The following ALDH3A2 variants were observed in gnomAD, a reference collection of about 807,000 sequenced individuals.
ALDH3A2 encodes aldehyde dehydrogenase family 3 member A2.
A neutral mutation model predicts 51.3 loss-of-function variants in ALDH3A2; 36 were observed. The ratio of observed to expected loss-of-function variants is 0.70; its 90% CI spans 0.54 to 0.93. ALDH3A2 has a LOEUF of 0.93. Among genes scored for constraint, ALDH3A2 ranks in the 40% least tolerant of loss-of-function variants. The pLI is 0.00. For synonymous variants in ALDH3A2, 199 were observed against 219.8 expected, an observed-to-expected ratio of 0.91 and a Z score of 0.84; for missense variants, 552 against 603.1, an observed-to-expected ratio of 0.92 and a Z score of 0.89.
At chr17:19,672,001 C>T in intron 9 of ALDH3A2, 45 bp downstream of exon 9, 1 of 1,517,652 alleles carries the variant, frequency 6.6e-7, no homozygotes. Context: ...TGGTCCTGGC[C>T]TGATGGCTGC....
chr17:19,655,920 G>A (rs1044818884), intron 3 of ALDH3A2, among the ~76,000 whole-genome samples: 11 of 152,240 alleles, frequency 7.2e-5, no homozygotes, highest in Admixed American at 1.3e-4. Context: ...CTCAGCTACT[G>A]TGCCGGATAT....
In ALDH3A2 at chr17:19,651,562, T is replaced by TGTAC; in HGVS notation, c.169_170insGTAC (p.Tyr57CysfsTer14). The TGTAC allele has an allele frequency of 6.2e-7, 1 of 1,613,350 alleles. No homozygotes were observed. The highest frequency in any genetic ancestry group is 8.5e-7 in the Non-Finnish European group (1 of 1,179,238). The stretch of plus-strand genomic sequence containing the variant: ...CTTATAACAGAGTGAATTCAATGTG[T>TGTAC]ACAGTCAGGAAGTCATTACTGTCCT... On this transcript the variant is annotated frameshift_variant, in exon 2 of 10. Transcript: ENST00000176643. LOFTEE classifies it high-confidence loss of function.
rs2084898793 is a variant in ALDH3A2, at chr17:19,656,468, A to G, written c.574A>G (p.Ile192Val). The G allele has an allele frequency of 1.2e-6, 2 of 1,614,146 alleles. No homozygotes were observed. Among genetic ancestry groups the G allele is most frequent in the Non-Finnish European group, 1.7e-6 (2 of 1,180,030 alleles). ...TACGGGAAACACTGCGGTTGGCAAA[A>G]TTGTCATGGAAGCTGCTGCCAAGCA... is the stretch of plus-strand genomic sequence containing the variant. The part of the protein sequence containing the change: ...FYTGNTAVGK[I>V]VMEAAAKHLT... The change falls in exon 4 of 10, where the codon ATT becomes GTT. Residue 192 changes from isoleucine to valine, a missense_variant. Transcript: ENST00000176643.
chr17:19,671,299 C>T (rs2085109339), intron 8 of ALDH3A2, among the ~76,000 whole-genome samples: 1 of 152,160 alleles, frequency 6.6e-6, no homozygotes, highest in Non-Finnish European at 1.5e-5. Flanking sequence ...GATCCAGGTT[C>T]GGGTTCTGGC....
At chr17:19,655,782 C>T (rs962801) in intron 3 of ALDH3A2, among the ~76,000 whole-genome samples, 42,299 of 152,214 alleles carry the variant, frequency 0.28, 6,342 homozygotes, top group East Asian at 0.52. Flanking sequence ...ACAGAAGCTA[C>T]GTGAATTCTC....
chr17:19,673,355 TGTTTTTG>T (rs2085145412), intron 9 of ALDH3A2: 9 of 1,401,756 alleles, frequency 6.4e-6, no homozygotes, highest in East Asian at 5.6e-5. Flanking sequence ...GGTTTGTTTT[TGTTTTTG>T]TTTTTGTTTT....
intron 8 of ALDH3A2, among the ~76,000 whole-genome samples, chr17:19,666,535 G>A (rs1241027928): frequency 6.6e-6 from 1 of 152,182 alleles, no homozygotes; most frequent in East Asian, 1.9e-4. Flanking sequence ...CCAGCACTTT[G>A]GGAGGCCGAG....
At position 19,651,656 on chromosome 17, in the gene ALDH3A2, T is replaced by C; in HGVS notation, c.263T>C (p.Val88Ala). 6.2e-7 allele frequency: 1 copy of C among 1,614,230 alleles called. No individual in the cohort carries two copies. The highest frequency in any genetic ancestry group is 8.5e-7 in the Non-Finnish European group (1 of 1,180,032). The change falls in exon 2 of 10, where the codon GTG becomes GCG. Residue 88 changes from valine (V) to alanine (A), a missense_variant. Coordinates refer to ENST00000176643, the MANE Select transcript of ALDH3A2 (RefSeq NM_000382.3). ...WVTAKPVKKN[V>A]LTMLDEAYIQ... ...ACTGCTAAACCAGTTAAGAAGAACG[T>C]GCTCACCATGCTGGATGAGGCCTAT...
At chr17:19,666,209 G>C (rs928519613) in intron 8 of ALDH3A2, among the ~76,000 whole-genome samples, 2 of 151,962 alleles carry the variant, frequency 1.3e-5, no homozygotes, top group African/African-American at 4.8e-5. Context: ...GTTGGAGGAG[G>C]GGGTGAATGA....
At position 19,661,149 on chromosome 17, in the gene ALDH3A2, A is replaced by G. The variant is rs2084960458; in HGVS notation, c.821A>G (p.Lys274Arg). ...TVKEFYGENIKESPDYERIIN... is the reference protein window; with the variant it reads ...TVKEFYGENIRESPDYERIIN... ...TAGGAATTTTATGGAGAAAATATAA[A>G]AGAGTCTCCTGATTATGAAAGGATC... The change falls in exon 6 of 10, where the codon AAA (lysine) becomes AGA (arginine). Residue 274 changes from lysine to arginine, a missense_variant. Transcript: ENST00000176643. The G allele has an allele frequency of 6.2e-7, 1 of 1,611,792 alleles. No homozygotes were observed. Among genetic ancestry groups the G allele is most frequent in the Non-Finnish European group, 8.5e-7 (1 of 1,177,858 alleles).
intron 8 of ALDH3A2, among the ~76,000 whole-genome samples, chr17:19,665,604 G>C (rs1156380151): frequency 6.6e-6 from 1 of 152,166 alleles, no homozygotes; most frequent in East Asian, 1.9e-4. Context: ...GTTCTAGAGA[G>C]GATGGGCAGA....
Position 19,671,821 on chromosome 17 carries a change from C to T in ALDH3A2, c.1308C>T (p.Asn436=). 1 of 1,614,178 alleles carries T rather than the reference C, an allele frequency of 6.2e-7. No individual in the cohort carries two copies. The highest frequency in any genetic ancestry group is 8.5e-7 in the Non-Finnish European group (1 of 1,179,998). Reference sequence around the variant, plus strand: ...AAAGTTTAAAGAGAGAAGGTGCTAACAAACTCAGATATCCTCCCAACAGCC... The same window carrying T: ...AAAGTTTAAAGAGAGAAGGTGCTAATAAACTCAGATATCCTCCCAACAGCC... ...LLKSLKREGA[N]KLRYPPNSQS... is the part of the protein sequence containing the mutation. The change falls in exon 9 of 10, where the codon AAC becomes AAT. Residue 436 remains asparagine, a synonymous_variant. Coordinates refer to ENST00000176643, the MANE Select transcript of ALDH3A2 (RefSeq NM_000382.3).
chr17:19,661,328 T>C (rs1418027831), intron 6 of ALDH3A2, 60 bp downstream of exon 6: 1 of 1,583,044 alleles, frequency 6.3e-7, no homozygotes. Flanking sequence ...TTGCTGACAC[T>C]ACTTATTAAC....
At chr17:19,670,744 G>A (rs1001042432) in intron 8 of ALDH3A2, among the ~76,000 whole-genome samples, 2 of 152,150 alleles carry the variant, frequency 1.3e-5, no homozygotes, top group Non-Finnish European at 2.9e-5. Context: ...TGTATTTTTA[G>A]TAGAGACGGG....
At chr17:19,658,194 T>TG in intron 5 of ALDH3A2, among the ~76,000 whole-genome samples, 1 of 152,214 alleles carries the variant, frequency 6.6e-6, no homozygotes, top group Non-Finnish European at 1.5e-5. Flanking sequence ...TCAGAGAGAC[T>TG]CTTTGGCATA....
chr17:19,660,734 G>C (rs568543264), intron 5 of ALDH3A2, among the ~76,000 whole-genome samples: 1 of 152,276 alleles, frequency 6.6e-6, no homozygotes, highest in Non-Finnish European at 1.5e-5. Context: ...TGTAACTACC[G>C]AACTTACTGT....
At chr17:19,650,389 C>A (rs939759025) in intron 1 of ALDH3A2, among the ~76,000 whole-genome samples, 8 of 152,020 alleles carry the variant, frequency 5.3e-5, no homozygotes, top group African/African-American at 1.7e-4. Flanking sequence ...TCAAGCAGTC[C>A]TCCTGCCCCA....
At chr17:19,653,630 G>A (rs923938613) in intron 3 of ALDH3A2, among the ~76,000 whole-genome samples, 6 of 152,028 alleles carry the variant, frequency 3.9e-5, no homozygotes, top group African/African-American at 9.7e-5. Context: ...TCGTGGTCTC[G>A]CTGGCCTCAG....
At chr17:19,661,660 T>C (rs1376694312) in intron 6 of ALDH3A2, among the ~76,000 whole-genome samples, 1 of 152,170 alleles carries the variant, frequency 6.6e-6, no homozygotes, top group Non-Finnish European at 1.5e-5. Flanking sequence ...AATGTTTTGG[T>C]CCATCATGCT....
Sources: allele counts gnomAD v4.1 joint callset (sites outside exome capture counted in the v4.1 genomes callset), GRCh38; gene constraint gnomAD v4.1.1; transcripts MANE v1.5; gene names NCBI Gene and HGNC (gene_info 2026-07-23, HGNC 2026-07-21).